Variants in DNAH17 observed in about 807,000 individuals in gnomAD.
The protein encoded by DNAH17 is dynein axonemal heavy chain 17, also known as axonemal beta dynein heavy chain 17.
In DNAH17, 376 loss-of-function variants were observed where a neutral mutation model predicts 485.6. The ratio of observed to expected loss-of-function variants is 0.77; its 90% CI spans 0.71 to 0.84. The LOEUF is 0.84. Ranked by LOEUF, DNAH17 falls within the 40% of genes least tolerant of loss-of-function variation. The pLI is 0.00. For synonymous variants in DNAH17, 3,031 were observed against 2,405.9 expected, an observed-to-expected ratio of 1.26 and a Z score of -7.60; for missense variants, 6,370 against 5,839.3, an observed-to-expected ratio of 1.09 and a Z score of -2.96.
At chr17:78,569,628 G>T in intron 7 of DNAH17, 101 bp from the exon 8 acceptor site, 1 of 1,381,556 alleles carries the variant, frequency 7.2e-7, no homozygotes, top group Non-Finnish European at 9.7e-7. Context: ...CTGACATATG[G>T]ATATCTGAAA....
Position 78,454,645 on chromosome 17 carries a change from C to T in DNAH17, c.10231G>A (p.Val3411Met), listed in dbSNP as rs752006633. ...PLSLLTDDAD[V>M]ATWNNQGLPS... ...AGGCCCTGGTTGTTCCAGGTGGCCA[C>T]GTCCGCGTCATCTGTCAGCAGGCTC... The change falls in exon 64 of 81, where the codon GTG becomes ATG. Residue 3411 changes from valine (V) to methionine (M), a missense_variant. Val to Met is a conservative substitution (Grantham distance 21). Transcript: ENST00000389840. 49 of 1,612,930 alleles carry T rather than the reference C, an allele frequency of 3.0e-5. No homozygotes were observed. The highest frequency in any genetic ancestry group is 4.0e-5 in the African/African-American group (3 of 74,884).
Position 78,525,298 on chromosome 17 carries a change from T to TC in DNAH17, c.3712-138dup, listed in dbSNP as rs113384205. 0.15 allele frequency: 189,499 copies of TC among 1,293,022 alleles called. 15,862 individuals are homozygous for TC. The highest frequency in any genetic ancestry group is 0.2 in the Middle Eastern group (712 of 3,624). The allele number at this position is 1,293,022 out of a possible 1,614,324, so 80.1% of individuals were successfully genotyped here. On this transcript the variant is annotated intron_variant, in intron 24 of 80. Coordinates refer to ENST00000389840, the MANE Select transcript of DNAH17 (RefSeq NM_173628.4). ...GGGAGGAGGTGTCCATACAACGGTG[T>TC]CCCACCTGGAGGGAGGACAGAGCCC...
intron 63 of DNAH17, 121 bp downstream of exon 63, chr17:78,455,523 C>T: frequency 1.4e-6 from 1 of 705,476 alleles, no homozygotes; most frequent in Non-Finnish European, 2.2e-6. Flanking sequence ...GATGGGGTTT[C>T]ACCATGTTGG....
chr17:78,427,351 G>T (rs2086512664), intron 77 of DNAH17, among the ~76,000 whole-genome samples: 1 of 152,248 alleles, frequency 6.6e-6, no homozygotes, highest in Admixed American at 6.5e-5. Flanking sequence ...GCGGCCATGA[G>T]CGCATCAGGC....
At chr17:78,443,362 C>A (rs2087146768) in intron 71 of DNAH17, among the ~76,000 whole-genome samples, 1 of 152,142 alleles carries the variant, frequency 6.6e-6, no homozygotes, top group South Asian at 2.1e-4. Flanking sequence ...CCAGCTCTGA[C>A]CCTGGGACAC....
In DNAH17 at chr17:78,468,902, C is replaced by A. The variant is rs370594286; in HGVS notation, c.8512-19G>T. The A allele has an allele frequency of 1.3e-6, 2 of 1,599,696 alleles. No individual in the cohort carries two copies. Among genetic ancestry groups the A allele is most frequent in the East Asian group, 4.5e-5 (2 of 44,666 alleles). Reference sequence around the variant, plus strand: ...GGTCAATCTGGACGGAGTGAGGACACGCTTAGGGGCCTTGGTAAAAAGATG... The same window carrying A: ...GGTCAATCTGGACGGAGTGAGGACAAGCTTAGGGGCCTTGGTAAAAAGATG... On this transcript the variant is annotated intron_variant, in intron 54 of 80. Transcript: ENST00000389840.
At chr17:78,483,894 C>G (rs187948061) in intron 48 of DNAH17, among the ~76,000 whole-genome samples, 29 of 151,800 alleles carry the variant, frequency 1.9e-4, no homozygotes, top group African/African-American at 6.8e-4. Context: ...GTCAGGAGTT[C>G]GAGAACAGCC....
intron 2 of DNAH17, among the ~76,000 whole-genome samples, chr17:78,574,436 G>A (rs1176778321): frequency 1.3e-5 from 2 of 152,010 alleles, no homozygotes; most frequent in African/African-American, 2.4e-5. Flanking sequence ...TTAGGAGGTT[G>A]AGGCTGCAGT....
In DNAH17 at chr17:78,454,506, C is replaced by G; in HGVS notation, c.10370G>C (p.Arg3457Thr). ...CAGGCGGATGGCTTTCAGTTCACTC[C>G]TGTATTTGTTTTTGATCCACTTGAT... ...QGIKWIKNKY[R>T]SELKAIRLGQ... is the part of the protein sequence containing the mutation. Residue 3457 changes from arginine to threonine, a missense_variant, in exon 64 of 81, where the codon AGG (arginine) becomes ACG (threonine). Arg to Thr is a moderately conservative substitution (Grantham distance 71). Transcript: ENST00000389840. 1 of 1,613,492 alleles carries G rather than the reference C, an allele frequency of 6.2e-7. No homozygotes were observed. The highest frequency in any genetic ancestry group is 8.5e-7 in the Non-Finnish European group (1 of 1,179,840).
chr17:78,518,682 C>A (rs1404692008), intron 25 of DNAH17, among the ~76,000 whole-genome samples: 1 of 152,194 alleles, frequency 6.6e-6, no homozygotes, highest in Admixed American at 6.5e-5. Context: ...CTCCGCCCAA[C>A]AGAAGCAGAA....
intron 26 of DNAH17, 34 bp from the exon 27 acceptor site, chr17:78,510,540 A>T: frequency 6.2e-7 from 1 of 1,612,182 alleles, no homozygotes; most frequent in East Asian, 2.2e-5. Context: ...GATTCATTTC[A>T]GGTCATGTGC....
At chr17:78,475,518 C>T (rs1290923490) in intron 53 of DNAH17, 49 bp from the exon 54 acceptor site, 1 of 1,611,686 alleles carries the variant, frequency 6.2e-7, no homozygotes, top group Non-Finnish European at 8.5e-7. Flanking sequence ...CCTGGAATCA[C>T]CTCTGTCACC....
At position 78,441,043 on chromosome 17, in the gene DNAH17, A is replaced by G. The variant is rs753692379; in HGVS notation, c.11677+8T>C. The G allele has an allele frequency of 6.4e-7, 1 of 1,571,936 alleles. No individual in the cohort carries two copies. Among genetic ancestry groups the G allele is most frequent in the Non-Finnish European group, 8.6e-7 (1 of 1,157,788 alleles). Reference sequence around the variant, plus strand: ...TCTTTGAGAACATCACTTGCCTGCTACACTTACCCAGGGCTTCCACGTCTT... The same window carrying G: ...TCTTTGAGAACATCACTTGCCTGCTGCACTTACCCAGGGCTTCCACGTCTT... On this transcript the variant is annotated splice_region_variant and intron_variant, in intron 72 of 80. Transcript: ENST00000389840.
chr17:78,549,397 G>A (rs2091849887), intron 16 of DNAH17, among the ~76,000 whole-genome samples: 1 of 152,162 alleles, frequency 6.6e-6, no homozygotes, highest in South Asian at 2.1e-4. Context: ...AAATGACCAG[G>A]ACAGTGGGCC....
At chr17:78,576,520 G>T (rs891404350) in intron 1 of DNAH17, among the ~76,000 whole-genome samples, 5 of 152,130 alleles carry the variant, frequency 3.3e-5, no homozygotes, top group African/African-American at 1.2e-4. Flanking sequence ...GAGATGACTC[G>T]TTCACCAGGT....
intron 25 of DNAH17, among the ~76,000 whole-genome samples, chr17:78,523,784 G>A (rs765007773): frequency 7.9e-5 from 12 of 152,204 alleles, no homozygotes; most frequent in Non-Finnish European, 1.6e-4. Context: ...GCGCAAGCCT[G>A]TAGTCCCAGT....
Position 78,501,342 on chromosome 17 carries a change from C to T in DNAH17, c.5325G>A (p.Val1775=). Residue 1775 remains valine (V), a splice_region_variant and synonymous_variant, in exon 35 of 81, where the codon GTG becomes GTA. Coordinates refer to ENST00000389840, the MANE Select transcript of DNAH17 (RefSeq NM_173628.4). The part of the protein sequence containing the change: ...DVVAKMIVAK[V]ESSQAFTWQA... Reference sequence around the variant, plus strand: ...GCCAGGTGAAGGCCTGAGAACTCTCCACCTGCAGGATGAGCCGGAGCTCTT... The same window carrying T: ...GCCAGGTGAAGGCCTGAGAACTCTCTACCTGCAGGATGAGCCGGAGCTCTT... 1 of 1,589,168 alleles carries T rather than the reference C, an allele frequency of 6.3e-7. No homozygotes were observed. The highest frequency in any genetic ancestry group is 8.6e-7 in the Non-Finnish European group (1 of 1,160,572).
chr17:78,487,923 A>G (rs1484073038), intron 44 of DNAH17, among the ~76,000 whole-genome samples: 1 of 152,208 alleles, frequency 6.6e-6, no homozygotes, highest in Non-Finnish European at 1.5e-5. Flanking sequence ...TTTGCCGCAT[A>G]GCACCCTGTA....
chr17:78,424,577 C>T (rs2086331568), intron 80 of DNAH17: 1 of 159,778 alleles, frequency 6.3e-6, no homozygotes, highest in Non-Finnish European at 1.4e-5. Context: ...TTTAACCAGA[C>T]TGCTATTATT....
Sources: gnomAD v4.1 joint callset for allele counts (sites outside exome capture counted in the v4.1 genomes callset) on GRCh38, gnomAD v4.1.1 for gene constraint, MANE v1.5 for transcripts, NCBI Gene and HGNC (gene_info 2026-07-23, HGNC 2026-07-21) for gene names.